PPEF1: variants seen among roughly 807,000 people sequenced by gnomAD.
PPEF1 encodes the protein protein phosphatase with EF-hand domain 1, also known as serine/threonine-protein phosphatase with EF-hands 1.
In PPEF1, 12 loss-of-function variants were observed where a neutral mutation model predicts 53.3. The ratio of observed to expected loss-of-function variants is 0.23; its 90% CI spans 0.14 to 0.36. The LOEUF (loss-of-function observed/expected upper bound fraction) is 0.36, where lower values mean the gene tolerates loss of function less well. Ranked by LOEUF, PPEF1 falls within the 10% of genes least tolerant of loss-of-function variation. The pLI, the probability that PPEF1 is intolerant of heterozygous loss-of-function variation, is 1.00. For missense variants in PPEF1, 334 were observed against 490.4 expected (o/e 0.68, Z 3.01); for synonymous variants, 165 against 176.7 (o/e 0.93, Z 0.52).
chrX:18,776,806 G>A (rs1408757756), intron 6 of PPEF1, among the ~76,000 whole-genome samples: 2 of 111,456 alleles, frequency 1.8e-5, no homozygotes, highest in African/African-American at 3.3e-5. Context: ...TGTAATCCCA[G>A]CTACTCGGGA....
chrX:18,826,725 C>A (rs905002732), intron 15 of PPEF1, among the ~76,000 whole-genome samples: 3 of 110,096 alleles, frequency 2.7e-5, no homozygotes, highest in Non-Finnish European at 5.7e-5. Flanking sequence ...TGCGCCCGGC[C>A]TTCTGCCTTT....
chrX:18,747,160 G>A (rs747737815), intron 3 of PPEF1, among the ~76,000 whole-genome samples: 5 of 111,655 alleles, frequency 4.5e-5, no homozygotes, highest in African/African-American at 1.6e-4. Context: ...AGAGTGCTGG[G>A]CTGGGAGAGG....
At chrX:18,780,222 G>T (rs1178735164) in intron 7 of PPEF1, among the ~76,000 whole-genome samples, 2 of 112,160 alleles carry the variant, frequency 1.8e-5, no homozygotes, top group African/African-American at 6.5e-5. Flanking sequence ...AGTTTGTAAA[G>T]GGGGAATCCA....
chrX:18,813,955 T>C (rs7056461), intron 12 of PPEF1, among the ~76,000 whole-genome samples: 43 of 111,411 alleles, frequency 3.9e-4, no homozygotes, highest in African/African-American at 1.4e-3. Flanking sequence ...GTAGTGAGCA[T>C]AATACCCGAT....
At chrX:18,678,615 A>T (rs773784507), upstream of PPEF1, among the ~76,000 whole-genome samples, 9 of 111,981 alleles carry the variant, frequency 8.0e-5, no homozygotes, top group East Asian at 2.5e-3. Context: ...CCTCTGATCC[A>T]GTGATTTCCA....
upstream of PPEF1, among the ~76,000 whole-genome samples, chrX:18,679,341 G>T (rs1361409134): frequency 2.7e-5 from 3 of 112,185 alleles, no homozygotes; most frequent in Non-Finnish European, 3.8e-5. Context: ...GTCTCTCAAA[G>T]TGTTGGGATT....
intron 9 of PPEF1, among the ~76,000 whole-genome samples, chrX:18,786,689 A>G (rs2046209166): frequency 9.4e-6 from 1 of 105,839 alleles, no homozygotes; most frequent in Non-Finnish European, 1.9e-5. Flanking sequence ...AGGCTGAGGC[A>G]GGAGGATCAC....
At chrX:18,743,186 G>A (rs1373779223) in intron 3 of PPEF1, among the ~76,000 whole-genome samples, 2 of 111,875 alleles carry the variant, frequency 1.8e-5, no homozygotes, top group African/African-American at 6.5e-5. Context: ...CCACAAGCCA[G>A]GGATAGAAGT....
intron 5 of PPEF1, among the ~76,000 whole-genome samples, chrX:18,758,850 C>T (rs946391784): frequency 9.0e-6 from 1 of 111,464 alleles, no homozygotes; most frequent in Non-Finnish European, 1.9e-5. Flanking sequence ...CCACTACAGA[C>T]TCATCCTTGC....
chrX:18,797,858 C>T (rs1221865086), intron 10 of PPEF1, among the ~76,000 whole-genome samples: 5 of 110,617 alleles, frequency 4.5e-5, no homozygotes, highest in African/African-American at 6.6e-5. Context: ...CCTGCCACCA[C>T]GCCCAGCTAA....
Position 18,786,780 on chromosome X carries a change from CAAAAAA to C in PPEF1, c.913-2326_913-2321del, listed in dbSNP as rs761641178. Among the ~76,000 whole-genome samples the C allele has an allele frequency of 6.7e-3, 396 of 58,809 alleles. 4 individuals are homozygous for C. Among genetic ancestry groups the C allele is most frequent in the African/African-American group, 0.024 (368 of 15,575 alleles). 51.1% of individuals were successfully genotyped at this position (58,809 alleles called of 115,157 possible). On this transcript the variant is annotated intron_variant, in intron 9 of 15. Transcript: ENST00000470157. ...CCTGGGTGACAGTGAAACACTATCT[CAAAAAA>C]AAAAAAAAAAAAAAGAAAAGAAAAG...
At chrX:18,675,985 A>G (rs1255350345) in exon 1 of PPEF1, 4 of 90,021 alleles carry the variant, frequency 4.4e-5, no homozygotes, top group Non-Finnish European at 8.5e-5. Flanking sequence ...TTAAGCGCCC[A>G]GGTGAACTTG....
chrX:18,749,392 A>G (rs939282616), intron 3 of PPEF1, among the ~76,000 whole-genome samples: 12 of 112,626 alleles, frequency 1.1e-4, no homozygotes, highest in Non-Finnish European at 1.1e-4. Context: ...ATAGCAGCAG[A>G]TGTTTGAACC....
At chrX:18,686,658 A>T (rs1929093179) in intron 3 of PPEF1, among the ~76,000 whole-genome samples, 1 of 110,903 alleles carries the variant, frequency 9.0e-6, no homozygotes, top group Non-Finnish European at 1.9e-5. Flanking sequence ...GGTGATTTCG[A>T]AAAGGAAAAT....
Position 18,774,775 on chromosome X carries a change from G to A in PPEF1, c.559-4235G>A, listed in dbSNP as rs753667554. 1.3e-4 allele frequency among the ~76,000 whole-genome samples: 15 copies of A among 111,363 alleles called. No individual in the cohort carries two copies. In the South Asian group the frequency reaches 4.9e-3, roughly 37 times the overall value. On this transcript the variant is annotated intron_variant, in intron 6 of 15. Transcript: ENST00000470157. ...TTTAATTTGTAAATTTTATTCTACCGTCTCCTACCTCCCACTACTATAGAT... is the reference window on the plus strand; with the variant it reads ...TTTAATTTGTAAATTTTATTCTACCATCTCCTACCTCCCACTACTATAGAT...
intron 6 of PPEF1, among the ~76,000 whole-genome samples, chrX:18,776,646 C>T (rs901126378): frequency 8.9e-6 from 1 of 111,773 alleles, no homozygotes; most frequent in South Asian, 3.8e-4. Flanking sequence ...TGGGGCCATG[C>T]ACAGTGGCTC....
chrX:18,706,003 C>T (rs983735453), upstream of PPEF1, among the ~76,000 whole-genome samples: 1 of 105,551 alleles, frequency 9.5e-6, no homozygotes, highest in South Asian at 5.1e-4. Context: ...CAAGATGGCT[C>T]ACACCTGTGA....
chrX:18,685,961 G>A (rs1929063546), intron 2 of PPEF1, among the ~76,000 whole-genome samples: 1 of 110,903 alleles, frequency 9.0e-6, no homozygotes, highest in Admixed American at 9.6e-5. Flanking sequence ...TCACACAACT[G>A]AAAATTGATT....
chrX:18,760,068 C>G (rs1470174407), intron 5 of PPEF1, among the ~76,000 whole-genome samples: 1 of 111,544 alleles, frequency 9.0e-6, no homozygotes, highest in Non-Finnish European at 1.9e-5. Flanking sequence ...TCACTGCAAC[C>G]TCTGCCTCCC....
Sources: allele counts gnomAD v4.1 joint callset (sites outside exome capture counted in the v4.1 genomes callset), GRCh38; gene constraint gnomAD v4.1.1; transcripts MANE v1.5; gene names NCBI Gene and HGNC (gene_info 2026-07-23, HGNC 2026-07-21).